Variants in MAGI1 observed in about 807,000 individuals in gnomAD.
MAGI1 encodes membrane-associated guanylate kinase, WW and PDZ domain-containing protein 1.
Under a neutral mutation model 139.9 loss-of-function variants are expected in MAGI1, and 58 were observed. That is an observed-to-expected ratio of 0.41 (90% CI 0.34 to 0.52). MAGI1 has a LOEUF of 0.52. Among genes scored for constraint, MAGI1 ranks in the 20% least tolerant of loss-of-function variants. The pLI, the probability that MAGI1 is intolerant of heterozygous loss-of-function variation, is 0.12. For synonymous variants in MAGI1, 812 were observed against 737.9 expected (o/e 1.10, Z -1.63); for missense variants, 1,874 against 1,901.6 (o/e 0.99, Z 0.27).
intron 1 of MAGI1, among the ~76,000 whole-genome samples, chr3:65,975,534 T>A (rs566238848): frequency 1.3e-5 from 2 of 152,162 alleles, no homozygotes; most frequent in East Asian, 3.9e-4. Flanking sequence ...GGTGGGCGGA[T>A]CGTTCGAGCC....
chr3:65,684,167 C>CAAAAAAAAAAA (rs1163089641), intron 1 of MAGI1, among the ~76,000 whole-genome samples: 19 of 79,372 alleles, frequency 2.4e-4, no homozygotes, highest in Admixed American at 4.6e-4. Context: ...GAGACTGTCT[C>CAAAAAAAAAAA]AAAAAAAAAA....
At chr3:65,703,445 C>T (rs2089756326) in intron 1 of MAGI1, among the ~76,000 whole-genome samples, 1 of 152,222 alleles carries the variant, frequency 6.6e-6, no homozygotes, top group African/African-American at 2.4e-5. Flanking sequence ...TGCCCTTTCT[C>T]ATTTCATTAG....
intron 2 of MAGI1, among the ~76,000 whole-genome samples, chr3:65,574,624 G>A (rs1420156386): frequency 6.6e-6 from 1 of 151,748 alleles, no homozygotes; most frequent in Non-Finnish European, 1.5e-5. Context: ...AAATTTACAT[G>A]GAATATTGAA....
chr3:65,914,801 C>G (rs183400831), intron 1 of MAGI1, among the ~76,000 whole-genome samples: 1 of 152,294 alleles, frequency 6.6e-6, no homozygotes, highest in Admixed American at 6.5e-5. Context: ...CAAAGGGTTT[C>G]AGCACTGTAC....
intron 1 of MAGI1, among the ~76,000 whole-genome samples, chr3:65,721,039 A>G (rs1054199758): frequency 5.9e-5 from 9 of 151,934 alleles, no homozygotes; most frequent in Non-Finnish European, 1.3e-4. Context: ...CCCACCTGAA[A>G]TCCCTGGCCA....
chr3:65,600,864 T>C (rs1270524663), intron 2 of MAGI1, among the ~76,000 whole-genome samples: 1 of 152,208 alleles, frequency 6.6e-6, no homozygotes, highest in African/African-American at 2.4e-5. Context: ...TAGAACATAC[T>C]GGTTATGAGA....
At chr3:65,735,819 C>T (rs7640680) in intron 1 of MAGI1, among the ~76,000 whole-genome samples, 7,670 of 152,166 alleles carry the variant, frequency 0.05, 662 homozygotes, top group African/African-American at 0.17. Flanking sequence ...CATTGATGTC[C>T]GCTGCCGCTC....
chr3:65,767,092 C>T (rs12631567), intron 1 of MAGI1, among the ~76,000 whole-genome samples: 69,695 of 151,896 alleles, frequency 0.46, 17,229 homozygotes, highest in East Asian at 0.58. Context: ...AATCATGACA[C>T]GCAAAATCAA....
chr3:65,446,094 A>G (rs1028516870), intron 7 of MAGI1, among the ~76,000 whole-genome samples: 4 of 152,210 alleles, frequency 2.6e-5, no homozygotes, highest in Admixed American at 2.0e-4. Flanking sequence ...GGCCATTTCT[A>G]TAATATAGAA....
intron 3 of MAGI1, among the ~76,000 whole-genome samples, chr3:65,488,777 T>C (rs1951792593): frequency 6.6e-6 from 1 of 152,194 alleles, no homozygotes; most frequent in African/African-American, 2.4e-5. Context: ...GATCAGGGGA[T>C]TCTCCCACCT....
intron 1 of MAGI1, among the ~76,000 whole-genome samples, chr3:65,824,680 A>G (rs2108268335): frequency 6.6e-6 from 1 of 152,302 alleles, no homozygotes; most frequent in South Asian, 2.1e-4. Context: ...TCCCTCCTTA[A>G]GTTGTCTGCC....
intron 1 of MAGI1, among the ~76,000 whole-genome samples, chr3:66,010,092 A>C (rs1398532567): frequency 6.6e-6 from 1 of 151,050 alleles, no homozygotes; most frequent in African/African-American, 2.4e-5. Context: ...AAAAAAAAAA[A>C]AAAAAAAAAA....
chr3:65,794,834 C>A lies in MAGI1; in HGVS notation c.314-172746G>T, dbSNP rs894927167. Among the ~76,000 whole-genome samples, 3 of 136,738 alleles carry A rather than the reference C, an allele frequency of 2.2e-5. No individual in the cohort carries two copies. In the East Asian group the frequency reaches 7.1e-4, roughly 32 times the overall value. 89.7% of individuals were successfully genotyped at this position (136,738 alleles called of 152,430 possible). A position where few individuals can be genotyped will look rare whatever the true frequency, so the allele number is the denominator to read the frequency against. On this transcript the variant is annotated intron_variant, in intron 1 of 22. Transcript: ENST00000402939. ...GCTGAACAAAACACAACAAAACAAA[C>A]CCTCATCAGGAAAAAAAAAAAAAAA...
At chr3:65,357,870 C>G (rs1247602126) in intron 22 of MAGI1, among the ~76,000 whole-genome samples, 4 of 152,072 alleles carry the variant, frequency 2.6e-5, no homozygotes, top group East Asian at 1.9e-4. Flanking sequence ...TTAAACTGTC[C>G]TATCTGTATT....
chr3:65,880,544 C>T (rs141280302), intron 1 of MAGI1, among the ~76,000 whole-genome samples: 2 of 152,188 alleles, frequency 1.3e-5, no homozygotes, highest in African/African-American at 4.8e-5. Flanking sequence ...AGAAATACTG[C>T]TGACTGGTCC....
At chr3:65,477,890 G>C (rs113484462) in intron 4 of MAGI1, among the ~76,000 whole-genome samples, 1,819 of 151,362 alleles carry the variant, frequency 0.012, 38 homozygotes, top group African/African-American at 0.041. Flanking sequence ...TTACCCAAAG[G>C]CCTTGTCCTT....
intron 5 of MAGI1, among the ~76,000 whole-genome samples, chr3:65,462,748 G>A (rs1310840474): frequency 2.0e-5 from 3 of 152,162 alleles, no homozygotes; most frequent in Non-Finnish European, 4.4e-5. Flanking sequence ...TCCTATCCAT[G>A]AGCATGGAAT....
chr3:65,972,944 TAGTA>T (rs1485957312), intron 1 of MAGI1, among the ~76,000 whole-genome samples: 2 of 152,144 alleles, frequency 1.3e-5, no homozygotes, highest in Non-Finnish European at 2.9e-5. Context: ...ACCACTTCAC[TAGTA>T]TACTACCTCC....
chr3:65,985,059 C>T (rs959986669), intron 1 of MAGI1, among the ~76,000 whole-genome samples: 2 of 152,184 alleles, frequency 1.3e-5, no homozygotes, highest in African/African-American at 4.8e-5. Flanking sequence ...CTGATGTCAA[C>T]CCCAGTGTTT....
Sources: allele counts gnomAD v4.1 joint callset (sites outside exome capture counted in the v4.1 genomes callset), GRCh38; gene constraint gnomAD v4.1.1; transcripts MANE v1.5; gene names NCBI Gene and HGNC (gene_info 2026-07-23, HGNC 2026-07-21).